DACH2: variants seen among roughly 807,000 people sequenced by gnomAD.
The protein encoded by DACH2 is dachshund family transcription factor 2, also known as dachshund homolog 2.
A neutral mutation model predicts 35.8 loss-of-function variants in DACH2; 17 were observed. The observed-to-expected ratio is 0.48, with a 90% CI of 0.33 to 0.71. The LOEUF (loss-of-function observed/expected upper bound fraction) is 0.71. Ranked by LOEUF, DACH2 falls within the 30% of genes least tolerant of loss-of-function variation. The probability of loss-of-function intolerance (pLI) is 0.02; values close to 1 mark genes in which losing one functional copy is unlikely to be tolerated. For missense variants in DACH2, 469 were observed against 472.7 expected, an observed-to-expected ratio of 0.99 and a Z score of 0.07; for synonymous variants, 195 against 177.3, an observed-to-expected ratio of 1.10 and a Z score of -0.79.
At chrX:86,173,006 A>G (rs191381206) in intron 1 of DACH2, among the ~76,000 whole-genome samples, 1 of 112,134 alleles carries the variant, frequency 8.9e-6, no homozygotes, top group East Asian at 2.8e-4. Context: ...TTGAAGCATA[A>G]AATTTAAGTA....
At chrX:86,340,674 CA>C (rs1394691896) in intron 1 of DACH2, among the ~76,000 whole-genome samples, 1 of 111,728 alleles carries the variant, frequency 9.0e-6, no homozygotes, top group Non-Finnish European at 1.9e-5. Flanking sequence ...TGAGATAGGC[CA>C]AAAGCCAGGC....
chrX:86,341,047 A>G (rs954021850), intron 1 of DACH2, among the ~76,000 whole-genome samples: 5 of 112,262 alleles, frequency 4.5e-5, no homozygotes, highest in Non-Finnish European at 9.4e-5. Context: ...AATCTGGAGC[A>G]AGTTATCCAG....
At chrX:86,168,546 A>G (rs2147870875) in intron 1 of DACH2, among the ~76,000 whole-genome samples, 1 of 107,903 alleles carries the variant, frequency 9.3e-6, no homozygotes, top group East Asian at 2.9e-4. Flanking sequence ...AGTGTTCTTG[A>G]TAAGGACTTC....
intron 3 of DACH2, among the ~76,000 whole-genome samples, chrX:86,535,418 A>T (rs993992529): frequency 9.8e-5 from 11 of 111,880 alleles, no homozygotes; most frequent in African/African-American, 3.2e-4. Context: ...TCTCTTGGCC[A>T]TGGGTATCCC....
At chrX:86,780,169 CCAA>C (rs763417704) in intron 7 of DACH2, among the ~76,000 whole-genome samples, 2 of 6,633 alleles carry the variant, frequency 3.0e-4, no homozygotes, top group Non-Finnish European at 6.2e-4. Context: ...AATATAAATA[CCAA>C]AAAAAAAAAA....
chrX:86,461,823 T>C (rs2037579207), intron 2 of DACH2, among the ~76,000 whole-genome samples: 1 of 111,896 alleles, frequency 8.9e-6, no homozygotes, highest in African/African-American at 3.2e-5. Context: ...TACAAATTCA[T>C]AGAAGTATTG....
At chrX:86,696,300 A>G (rs1479464126) in intron 5 of DACH2, among the ~76,000 whole-genome samples, 1 of 112,017 alleles carries the variant, frequency 8.9e-6, no homozygotes, top group Non-Finnish European at 1.9e-5. Flanking sequence ...TTAAGCATAC[A>G]AAAATAAGTT....
intron 4 of DACH2, among the ~76,000 whole-genome samples, chrX:86,667,083 T>TA (rs66948603): frequency 0.32 from 17,707 of 55,621 alleles, 2,823 homozygotes; most frequent in Admixed American, 0.47. Context: ...CCATCTCTAC[T>TA]AAAAAAAAAA....
At chrX:86,187,791 G>T (rs1409975265) in intron 1 of DACH2, among the ~76,000 whole-genome samples, 1 of 110,855 alleles carries the variant, frequency 9.0e-6, no homozygotes, top group African/African-American at 3.3e-5. Context: ...GACTATGAAG[G>T]TACCAGAATG....
chrX:86,236,524 A>G (rs1217011683), intron 1 of DACH2, among the ~76,000 whole-genome samples: 1 of 112,078 alleles, frequency 8.9e-6, no homozygotes, highest in African/African-American at 3.2e-5. Context: ...ACTTACACAA[A>G]TTTCAATGAA....
chrX:86,576,206 G>C (rs866296076), intron 3 of DACH2, among the ~76,000 whole-genome samples: 1 of 111,391 alleles, frequency 9.0e-6, no homozygotes, highest in Non-Finnish European at 1.9e-5. Context: ...AGTCAATGCT[G>C]AATACAAATA....
chrX:86,248,589 G>A (rs955438044), intron 1 of DACH2, among the ~76,000 whole-genome samples: 17 of 111,248 alleles, frequency 1.5e-4, no homozygotes, highest in African/African-American at 4.9e-4. Context: ...TGGATAGGTA[G>A]AATCAATATT....
At chrX:86,455,682 A>G (rs2037462845) in intron 2 of DACH2, among the ~76,000 whole-genome samples, 1 of 111,982 alleles carries the variant, frequency 8.9e-6, no homozygotes, top group Non-Finnish European at 1.9e-5. Context: ...GAGGGTGGCC[A>G]CCCCTTTCCC....
intron 3 of DACH2, among the ~76,000 whole-genome samples, chrX:86,605,212 T>A (rs1305187500): frequency 9.0e-6 from 1 of 111,636 alleles, no homozygotes; most frequent in Non-Finnish European, 1.9e-5. Flanking sequence ...TTATTTCTGT[T>A]TCTTTTCATT....
chrX:86,628,525 G>A (rs751764296), intron 3 of DACH2, among the ~76,000 whole-genome samples: 23 of 112,561 alleles, frequency 2.0e-4, no homozygotes, highest in African/African-American at 6.1e-4. Context: ...TGAATTACAC[G>A]TTTAATTATC....
intron 1 of DACH2, among the ~76,000 whole-genome samples, chrX:86,327,454 A>C (rs915616284): frequency 3.6e-5 from 4 of 111,839 alleles, no homozygotes; most frequent in African/African-American, 1.3e-4. Context: ...ATTATTTTTC[A>C]CTGATTGGCA....
chrX:86,747,731 G>T (rs2041728820), intron 7 of DACH2, among the ~76,000 whole-genome samples: 1 of 111,796 alleles, frequency 8.9e-6, no homozygotes, highest in Non-Finnish European at 1.9e-5. Context: ...CAGGGTGGTG[G>T]TCACTGAAGG....
chrX:86,637,246 A>AAAAAAAAAAAAAAAAAC (rs2040282352), intron 3 of DACH2, among the ~76,000 whole-genome samples: 2 of 81,849 alleles, frequency 2.4e-5, no homozygotes, highest in East Asian at 6.1e-4. Context: ...AAAAAAAAAA[A>AAAAAAAAAAAAAAAAAC]CAGATGCTGG....
intron 2 of DACH2, among the ~76,000 whole-genome samples, chrX:86,429,480 T>C (rs2036947643): frequency 1.8e-5 from 2 of 111,664 alleles, no homozygotes; most frequent in Non-Finnish European, 3.8e-5. Context: ...TCACCGTTAA[T>C]ACTATAATTC....
Sources: allele counts gnomAD v4.1 joint callset (sites outside exome capture counted in the v4.1 genomes callset), GRCh38; gene constraint gnomAD v4.1.1; transcripts MANE v1.5; gene names NCBI Gene and HGNC (gene_info 2026-07-23, HGNC 2026-07-21).